CEP85L: variants seen among roughly 807,000 people sequenced by gnomAD.
CEP85L encodes the protein centrosomal protein 85L.
In CEP85L, 60 loss-of-function variants were observed where a neutral mutation model predicts 100.3. The ratio of observed to expected loss-of-function variants is 0.60; its 90% confidence interval spans 0.49 to 0.74. CEP85L has a LOEUF of 0.74. Among genes scored for constraint, CEP85L ranks in the 30% least tolerant of loss-of-function variants. The probability of loss-of-function intolerance (pLI) is 0.00; values close to 1 mark genes in which losing one functional copy is unlikely to be tolerated. For synonymous variants in CEP85L, 319 were observed against 322.7 expected, an observed-to-expected ratio of 0.99 and a Z score of 0.12; for missense variants, 973 against 936.2, an observed-to-expected ratio of 1.04 and a Z score of -0.51.
intron 1 of CEP85L, among the ~76,000 whole-genome samples, chr6:118,648,090 C>T (rs1308676732): frequency 6.6e-6 from 1 of 151,990 alleles, no homozygotes; most frequent in Non-Finnish European, 1.5e-5. Context: ...CTTGTCTCTA[C>T]TAAAAATACA....
chr6:118,635,794 A>G (rs1332676656), intron 1 of CEP85L, among the ~76,000 whole-genome samples: 1 of 152,156 alleles, frequency 6.6e-6, no homozygotes, highest in Non-Finnish European at 1.5e-5. Flanking sequence ...CCAATAAACC[A>G]TTTGTGGATT....
chr6:118,513,136 A>G (rs564501368), intron 4 of CEP85L, among the ~76,000 whole-genome samples: 3 of 152,172 alleles, frequency 2.0e-5, no homozygotes, highest in Non-Finnish European at 4.4e-5. Flanking sequence ...TCTAAAAAGA[A>G]ACACTAGAGA....
intron 2 of CEP85L, among the ~76,000 whole-genome samples, chr6:118,597,107 C>T (rs185660237): frequency 2.0e-3 from 300 of 152,238 alleles, no homozygotes; most frequent in Non-Finnish European, 2.5e-3. Context: ...TTAAGAGGTG[C>T]TTTCCCCCAT....
chr6:118,682,415 C>G (rs945692878), intron 1 of CEP85L, among the ~76,000 whole-genome samples: 3 of 151,874 alleles, frequency 2.0e-5, no homozygotes, highest in African/African-American at 7.3e-5. Flanking sequence ...TTCTTTTATT[C>G]ATTAGTTATG....
At chr6:118,542,732 T>C (rs145362106) in intron 3 of CEP85L, among the ~76,000 whole-genome samples, 1 of 152,006 alleles carries the variant, frequency 6.6e-6, no homozygotes, top group Non-Finnish European at 1.5e-5. Flanking sequence ...CACAAAACTA[T>C]GGAATGCCAT....
intron 3 of CEP85L, among the ~76,000 whole-genome samples, chr6:118,552,386 A>C (rs1386005558): frequency 6.6e-6 from 1 of 152,034 alleles, no homozygotes; most frequent in Non-Finnish European, 1.5e-5. Context: ...TTAAAGTATC[A>C]ATTGTCTAGC....
rs758006924 is a variant in CEP85L at position 118,463,134 on chromosome 6, A to C, written c.*2271T>G. 3 of 151,966 alleles carry C rather than the reference A, an allele frequency of 2.0e-5. No homozygotes were observed. The highest frequency in any genetic ancestry group is 4.4e-5 in the Non-Finnish European group (3 of 67,894). 9.4% of individuals were successfully genotyped at this position (151,966 alleles called of 1,614,324 possible). A position where few individuals can be genotyped will look rare whatever the true frequency, so the allele number is the denominator to read the frequency against. On this transcript the variant is annotated 3_prime_UTR_variant, in exon 13 of 13. Transcript: ENST00000368491. ...TTTTATTTTTAAGATACGTGAATTA[A>C]ATTACTTTCTCTAAGTTTTAGAAAG...
In CEP85L at chr6:118,558,646, CACACACACACACACAG is replaced by C. The variant is rs1359281186; in HGVS notation, c.1020+6867_1020+6882del. Among the ~76,000 whole-genome samples the C allele has an allele frequency of 0.023, 3,274 of 143,290 alleles. 115 individuals are homozygous for C. The highest frequency in any genetic ancestry group is 0.084 in the African/African-American group (3,072 of 36,778). The allele number at this position is 143,290 out of a possible 152,430, so 94.0% of individuals were successfully genotyped here. ...GCACATACACACACACACACACACA[CACACACACACACACAG>C]AGAGAGAGAGAGAGAGAGAGAGAGA... is the stretch of plus-strand genomic sequence containing the variant. On this transcript the variant is annotated intron_variant, in intron 3 of 12. Coordinates refer to ENST00000368491, the MANE Select transcript of CEP85L (RefSeq NM_001042475.3).
chr6:118,657,564 C>G (rs973008848), intron 1 of CEP85L, among the ~76,000 whole-genome samples: 4 of 152,086 alleles, frequency 2.6e-5, no homozygotes, highest in Non-Finnish European at 5.9e-5. Flanking sequence ...AGGTTGCAGC[C>G]AAGATCACAC....
rs371809655 is a variant in CEP85L at position 118,523,931 on chromosome 6, A to G, written c.1021-11T>C. 8.0e-5 allele frequency: 100 copies of G among 1,254,454 alleles called. No individual in the cohort carries two copies. The African/African-American group carries it at 1.2e-3, about 16-fold the overall frequency. The allele number at this position is 1,254,454 out of a possible 1,614,324, so 77.7% of individuals were successfully genotyped here. On this transcript the variant is annotated splice_polypyrimidine_tract_variant and intron_variant, in intron 3 of 12. Transcript: ENST00000368491. ...TGATCCAGTCAAAACCTGCAGAAACATGTTTACACAATTAGTATACTAAAA... is the reference window on the plus strand; with the variant it reads ...TGATCCAGTCAAAACCTGCAGAAACGTGTTTACACAATTAGTATACTAAAA...
chr6:118,499,224 A>G (rs1775116528), intron 5 of CEP85L, among the ~76,000 whole-genome samples: 1 of 152,196 alleles, frequency 6.6e-6, no homozygotes, highest in Non-Finnish European at 1.5e-5. Context: ...CAACTAGAAA[A>G]AGTAAATCTG....
At chr6:118,648,162 G>A (rs553567769) in intron 1 of CEP85L, among the ~76,000 whole-genome samples, 120 of 152,312 alleles carry the variant, frequency 7.9e-4, no homozygotes, top group African/African-American at 2.7e-3. Context: ...ACTGAGGCAC[G>A]AGAACCGCTT....
rs1438157579 is a variant in CEP85L, at chr6:118,600,288, A to AC, written c.232+32164_232+32165insG. On this transcript the variant is annotated intron_variant, in intron 2 of 12. Transcript: ENST00000368491. ...GCAAACCTAGTACTGCCTGTCCCTG[A>AC]GCCTTCCTGGGGGTGTGTGTGTGTG... is the stretch of plus-strand genomic sequence containing the variant. Among the ~76,000 whole-genome samples, 11 of 29,478 alleles carry AC rather than the reference A, an allele frequency of 3.7e-4. 3 individuals carry two copies. The highest frequency in any genetic ancestry group is 1.2e-3 in the African/African-American group (11 of 9,550). The allele number at this position is 29,478 out of a possible 152,430, so 19.3% of individuals were successfully genotyped here.
intron 3 of CEP85L, among the ~76,000 whole-genome samples, chr6:118,540,681 T>C (rs1487727133): frequency 6.6e-6 from 1 of 151,936 alleles, no homozygotes; most frequent in African/African-American, 2.4e-5. Flanking sequence ...CGCTTGAACC[T>C]GGGAGGCGAA....
intron 1 of CEP85L, among the ~76,000 whole-genome samples, chr6:118,640,697 T>C (rs1774805017): frequency 6.6e-6 from 1 of 152,012 alleles, no homozygotes; most frequent in Non-Finnish European, 1.5e-5. Flanking sequence ...GCTAATTTTT[T>C]AGGTTTTTTT....
At chr6:118,641,487 C>T (rs994095398) in intron 1 of CEP85L, among the ~76,000 whole-genome samples, 1 of 152,120 alleles carries the variant, frequency 6.6e-6, no homozygotes, top group Non-Finnish European at 1.5e-5. Flanking sequence ...AACACTAGTG[C>T]CCTTACTTGG....
intron 1 of CEP85L, among the ~76,000 whole-genome samples, chr6:118,709,052 T>C (rs1777693102): frequency 6.6e-6 from 1 of 152,130 alleles, no homozygotes; most frequent in African/African-American, 2.4e-5. Flanking sequence ...ATTTTGTACC[T>C]AACAGATCTC....
chr6:118,496,447 G>A lies in CEP85L; in HGVS notation c.1258-4582C>T, dbSNP rs575047665. Among the ~76,000 whole-genome samples the A allele has an allele frequency of 6.8e-4, 103 of 150,396 alleles. 1 individual carries two copies. The South Asian group carries it at 0.019, about 28-fold the overall frequency. On this transcript the variant is annotated intron_variant, in intron 5 of 12. Coordinates refer to ENST00000368491, the MANE Select transcript of CEP85L (RefSeq NM_001042475.3). ...CTCGGCTCCTGCAACCTCCACCCCC[G>A]GGGTTCAAGCAATTCTCCTGTCTCA...
chr6:118,503,954 A>G (rs1432446766), intron 5 of CEP85L, among the ~76,000 whole-genome samples: 5 of 152,162 alleles, frequency 3.3e-5, no homozygotes, highest in African/African-American at 1.2e-4. Context: ...TTAAAATTAA[A>G]AACTTTTTCC....
Sources: gnomAD v4.1 joint callset for allele counts (sites outside exome capture counted in the v4.1 genomes callset) on GRCh38, gnomAD v4.1.1 for gene constraint, MANE v1.5 for transcripts, NCBI Gene and HGNC (gene_info 2026-07-23, HGNC 2026-07-21) for gene names.